The following TFEC variants were observed in gnomAD, a reference collection of about 807,000 sequenced individuals.
TFEC encodes class E basic helix-loop-helix protein 34.
A neutral mutation model predicts 41.6 loss-of-function variants in TFEC; 31 were observed. The observed-to-expected ratio is 0.74, with a 90% CI of 0.56 to 1.01. TFEC has a LOEUF of 1.01. Ranked by LOEUF, TFEC falls within the 50% of genes least tolerant of loss-of-function variation. The probability of loss-of-function intolerance (pLI) is 0.00; values close to 1 mark genes in which losing one functional copy is unlikely to be tolerated. For synonymous variants in TFEC, 143 were observed against 140.6 expected, an observed-to-expected ratio of 1.02 and a Z score of -0.12; for missense variants, 402 against 404.1, an observed-to-expected ratio of 0.99 and a Z score of 0.04.
At chr7:116,002,124 T>C (rs1231854803) in intron 1 of TFEC, among the ~76,000 whole-genome samples, 2 of 152,188 alleles carry the variant, frequency 1.3e-5, no homozygotes, top group Non-Finnish European at 2.9e-5. Context: ...TGGAGGCTTT[T>C]CAACCAACTA....
chr7:115,971,572 T>C (rs533261312), intron 3 of TFEC, among the ~76,000 whole-genome samples: 58 of 151,966 alleles, frequency 3.8e-4, no homozygotes, highest in African/African-American at 1.3e-3. Flanking sequence ...TTTCTTGAAA[T>C]TACAGACTGA....
In TFEC at chr7:115,939,869, T is replaced by C. The variant is rs555562310; in HGVS notation, c.*682A>G. ...TTTTCCTGAACAGAGACTGGAGATA[T>C]AAATATGCATGGATGCTTTTAGAAT... On this transcript the variant is annotated 3_prime_UTR_variant, in exon 8 of 8. Coordinates refer to ENST00000265440, the MANE Select transcript of TFEC (RefSeq NM_012252.4). 2.0e-5 allele frequency: 3 copies of C among 152,176 alleles called. No individual in the cohort carries two copies. The South Asian group carries it at 6.2e-4, about 32-fold the overall frequency. The allele number at this position is 152,176 out of a possible 1,614,324, so 9.4% of individuals were successfully genotyped here. A position where few individuals can be genotyped will look rare whatever the true frequency, so the allele number is the denominator to read the frequency against.
intron 3 of TFEC, among the ~76,000 whole-genome samples, chr7:116,081,907 A>C (rs1230807600): frequency 1.3e-5 from 2 of 151,976 alleles, no homozygotes; most frequent in Non-Finnish European, 1.5e-5. Context: ...TTTACCTCTC[A>C]AGACACACTT....
intron 1 of TFEC, among the ~76,000 whole-genome samples, chr7:116,133,016 T>G (rs150086600): frequency 6.6e-6 from 1 of 152,236 alleles, no homozygotes; most frequent in Non-Finnish European, 1.5e-5. Flanking sequence ...AAAACAGTTT[T>G]AAGACTACTT....
At chr7:116,147,157 G>A (rs1798658628) in intron 1 of TFEC, among the ~76,000 whole-genome samples, 3 of 152,082 alleles carry the variant, frequency 2.0e-5, no homozygotes, top group African/African-American at 2.4e-5. Context: ...AGAAATGGAT[G>A]AGAAAAAAGA....
Position 115,964,300 on chromosome 7 carries a change from G to A in TFEC, c.268-7507C>T, listed in dbSNP as rs551505603. ...AAAAATCTGAACTAGATACTTTTAT[G>A]GGGAAAAGTATCATATTTTCAAGAA... On this transcript the variant is annotated intron_variant, in intron 3 of 7. Coordinates refer to ENST00000265440, the MANE Select transcript of TFEC (RefSeq NM_012252.4). 3.3e-5 allele frequency among the ~76,000 whole-genome samples: 5 copies of A among 151,548 alleles called. 1 individual carries two copies. Among genetic ancestry groups the A allele is most frequent in the African/African-American group, 1.2e-4 (5 of 41,448 alleles).
In TFEC at chr7:116,073,988, A is replaced by C. The variant is rs561981305; in HGVS notation, c.198+36720T>G. Among the ~76,000 whole-genome samples the C allele has an allele frequency of 1.2e-3, 182 of 152,034 alleles. 1 individual carries two copies. Among genetic ancestry groups the C allele is most frequent in the African/African-American group, 4.3e-3 (177 of 41,538 alleles). ...TGGCAAATAATTATCTCTTCAACAA[A>C]TGGTACAGGGACACTGGATTATTTA... On this transcript the variant is annotated intron_variant, in intron 3 of 8. Transcript: ENST00000484212.
chr7:115,965,372 T>C (rs139237701), intron 3 of TFEC, among the ~76,000 whole-genome samples: 2 of 151,834 alleles, frequency 1.3e-5, no homozygotes, highest in South Asian at 2.1e-4. Context: ...AATGATTCTA[T>C]ACAAAATTGT....
At chr7:116,042,651 C>A (rs1381536074) in intron 3 of TFEC, among the ~76,000 whole-genome samples, 1 of 152,106 alleles carries the variant, frequency 6.6e-6, no homozygotes, top group African/African-American at 2.4e-5. Flanking sequence ...TTGAACTAAA[C>A]ATTTTTTAAA....
chr7:116,126,905 C>T (rs1798221891), intron 1 of TFEC, among the ~76,000 whole-genome samples: 1 of 151,996 alleles, frequency 6.6e-6, no homozygotes, highest in South Asian at 2.1e-4. Context: ...ATGAAGGACT[C>T]CTGAAAAAAG....
At chr7:115,942,582 T>C (rs1793560842) in intron 6 of TFEC, among the ~76,000 whole-genome samples, 2 of 152,066 alleles carry the variant, frequency 1.3e-5, no homozygotes, top group African/African-American at 2.4e-5. Flanking sequence ...CTTTATGTAA[T>C]AGAGCAAACT....
At position 115,937,860 on chromosome 7, in the gene TFEC, T is replaced by G. The variant is rs1411538030; in HGVS notation, c.*2691A>C. The G allele has an allele frequency of 6.6e-6, 1 of 151,800 alleles. No individual in the cohort carries two copies. The highest frequency in any genetic ancestry group is 2.4e-5 in the African/African-American group (1 of 41,398). 9.4% of individuals were successfully genotyped at this position (151,800 alleles called of 1,614,324 possible). ...CTGAATGCATGTGAATTATTGTCCA[T>G]ATAAACAGTTCTATACTTTTCTAGG... On this transcript the variant is annotated 3_prime_UTR_variant, in exon 8 of 8. Transcript: ENST00000265440.
intron 3 of TFEC, 62 bp from the exon 4 acceptor site, chr7:115,956,855 T>TTA: frequency 1.0e-6 from 1 of 963,090 alleles, no homozygotes; most frequent in Non-Finnish European, 1.5e-6. Context: ...ATATATTTAG[T>TTA]TATATATATT....
chr7:116,033,386 A>G (rs1386516092), upstream of TFEC, among the ~76,000 whole-genome samples: 1 of 152,150 alleles, frequency 6.6e-6, no homozygotes, highest in African/African-American at 2.4e-5. Context: ...TAAAACAGAG[A>G]AACTAATAGT....
In TFEC at chr7:116,143,214, C is replaced by A. The variant is rs146684536; in HGVS notation, c.-69+16576G>T. On this transcript the variant is annotated intron_variant, in intron 1 of 8. Coordinates refer to the TFEC transcript ENST00000484212. ...TTTGAGAAGGACAGACCCAATCTACCAACAAATATACTGGTTGACCTTCAG... is the reference window on the plus strand; with the variant it reads ...TTTGAGAAGGACAGACCCAATCTACAAACAAATATACTGGTTGACCTTCAG... Among the ~76,000 whole-genome samples the A allele has an allele frequency of 3.1e-3, 471 of 152,260 alleles. 5 individuals carry two copies. Among genetic ancestry groups the A allele is most frequent in the African/African-American group, 0.011 (442 of 41,556 alleles).
chr7:115,961,811 G>T (rs745390931), intron 3 of TFEC, among the ~76,000 whole-genome samples: 1 of 151,608 alleles, frequency 6.6e-6, no homozygotes, highest in Non-Finnish European at 1.5e-5. Context: ...ATTTAGGTGA[G>T]AATAACCAGG....
intron 3 of TFEC, among the ~76,000 whole-genome samples, chr7:116,060,542 C>G (rs1796529688): frequency 6.6e-6 from 1 of 152,050 alleles, no homozygotes; most frequent in African/African-American, 2.4e-5. Flanking sequence ...TATAAAATAA[C>G]AACATCATGT....
At chr7:115,989,035 T>C (rs1235422146) in intron 1 of TFEC, among the ~76,000 whole-genome samples, 2 of 152,092 alleles carry the variant, frequency 1.3e-5, no homozygotes, top group Non-Finnish European at 2.9e-5. Context: ...AAAGGAGAAA[T>C]AAAGACTTTT....
At chr7:116,070,666 C>T (rs564773880) in intron 3 of TFEC, among the ~76,000 whole-genome samples, 175 of 151,508 alleles carry the variant, frequency 1.2e-3, no homozygotes, top group African/African-American at 3.8e-3. Context: ...TCACAATAAA[C>T]ATTATTGTCT....
Sources: gnomAD v4.1 joint callset for allele counts (sites outside exome capture counted in the v4.1 genomes callset) on GRCh38, gnomAD v4.1.1 for gene constraint, MANE v1.5 for transcripts, NCBI Gene and HGNC (gene_info 2026-07-23, HGNC 2026-07-21) for gene names.